DAPK1: variants seen among roughly 807,000 people sequenced by gnomAD.
DAPK1 encodes the protein death associated protein kinase 1.
In DAPK1, 56 loss-of-function variants were observed where a neutral mutation model predicts 144.9. The observed-to-expected ratio is 0.39, with a 90% confidence interval of 0.31 to 0.48. DAPK1 has a LOEUF of 0.48. Among genes scored for constraint, DAPK1 ranks in the 20% least tolerant of loss-of-function variants. The probability of loss-of-function intolerance (pLI) is 0.95; values close to 1 mark genes in which losing one functional copy is unlikely to be tolerated. For missense variants in DAPK1, 1,454 were observed against 1,875.4 expected (o/e 0.78, Z 4.15); for synonymous variants, 690 against 749.0 (o/e 0.92, Z 1.29).
rs1210805337 is a variant in DAPK1 at position 87,686,479 on chromosome 9, G to A, written c.2225-72G>A. 2.1e-5 allele frequency: 18 copies of A among 866,132 alleles called. No individual in the cohort carries two copies. Among genetic ancestry groups the A allele is most frequent in the Non-Finnish European group, 3.2e-5 (17 of 537,598 alleles). 53.7% of individuals were successfully genotyped at this position (866,132 alleles called of 1,614,324 possible). On this transcript the variant is annotated intron_variant, in intron 20 of 25. Transcript: ENST00000408954. This position sits in a 1 kb window ranked among gnomAD's most constrained non-coding sequence, Gnocchi z 4.2. ...GCGTGCTCCAGAAAAGGAAACCTCA[G>A]GGCCAGCCTGGGAGGGAGACAGGCA...
At chr9:87,509,039 G>A (rs944162856) in intron 2 of DAPK1, among the ~76,000 whole-genome samples, 6 of 152,148 alleles carry the variant, frequency 3.9e-5, no homozygotes, top group Non-Finnish European at 1.5e-5. Flanking sequence ...GTGGTTTATG[G>A]GTAAGCAGCA....
rs185651023 is a variant in DAPK1, at chr9:87,635,046, A to T, written c.285-2897A>T. On this transcript the variant is annotated intron_variant, in intron 3 of 25. Coordinates refer to ENST00000408954, the MANE Select transcript of DAPK1 (RefSeq NM_004938.4). ...ATAGAAGGGGAGTCAGAGGCTCAGCAAGGTTGGAGGCCCTGGCAGGATTTG... is the reference window on the plus strand; with the variant it reads ...ATAGAAGGGGAGTCAGAGGCTCAGCTAGGTTGGAGGCCCTGGCAGGATTTG... 3.1e-4 allele frequency among the ~76,000 whole-genome samples: 47 copies of T among 152,262 alleles called. No homozygotes were observed. In the East Asian group the frequency reaches 4.1e-3, roughly 13 times the overall value.
intron 3 of DAPK1, among the ~76,000 whole-genome samples, chr9:87,616,314 G>T (rs1307939561): frequency 6.6e-6 from 1 of 152,176 alleles, no homozygotes; most frequent in Non-Finnish European, 1.5e-5. Context: ...GCAAGACTAC[G>T]TCCTACTCTG....
In DAPK1 at chr9:87,620,548, G is replaced by A. The variant is rs558799959; in HGVS notation, c.284+15373G>A. Among the ~76,000 whole-genome samples the A allele has an allele frequency of 2.8e-5, 4 of 142,676 alleles. No individual in the cohort carries two copies. In the South Asian group the frequency reaches 1.0e-3, roughly 37 times the overall value. 93.6% of individuals were successfully genotyped at this position (142,676 alleles called of 152,430 possible). On this transcript the variant is annotated intron_variant, in intron 3 of 25. Transcript: ENST00000408954. ...AGAATTAAGCCCAGTCAAGAAGGAGGAAGAGAAGGAGTAGGGGGAGGGGGA... is the reference window on the plus strand; with the variant it reads ...AGAATTAAGCCCAGTCAAGAAGGAGAAAGAGAAGGAGTAGGGGGAGGGGGA...
chr9:87,602,814 A>G lies in DAPK1; in HGVS notation c.63-2140A>G, dbSNP rs534184857. On this transcript the variant is annotated intron_variant, in intron 2 of 25. Coordinates refer to ENST00000408954, the MANE Select transcript of DAPK1 (RefSeq NM_004938.4). ...ACACCTGGCTAATTTTTGTATTTTT[A>G]GTAGAGACGGGGTTTCACCATGTTG... is the stretch of plus-strand genomic sequence containing the variant. Among the ~76,000 whole-genome samples, 809 of 152,020 alleles carry G rather than the reference A, an allele frequency of 5.3e-3. 7 individuals carry two copies. The highest frequency in any genetic ancestry group is 9.6e-3 in the Non-Finnish European group (654 of 67,990).
intron 2 of DAPK1, among the ~76,000 whole-genome samples, chr9:87,512,705 G>A (rs907610941): frequency 6.6e-6 from 1 of 152,042 alleles, no homozygotes; most frequent in African/African-American, 2.4e-5. Context: ...GTACAGTGGT[G>A]TAATCTCGGC....
chr9:87,534,246 G>GT (rs768580976), intron 2 of DAPK1, among the ~76,000 whole-genome samples: 3,480 of 90,934 alleles, frequency 0.038, 49 homozygotes, highest in South Asian at 0.086. Context: ...CATTTTGACA[G>GT]TTTTTTTTTT....
intron 2 of DAPK1, among the ~76,000 whole-genome samples, chr9:87,560,918 G>A (rs1438982453): frequency 6.6e-6 from 1 of 152,016 alleles, no homozygotes; most frequent in Non-Finnish European, 1.5e-5. Context: ...CACCCACCTC[G>A]GCCTCACAAA....
intron 2 of DAPK1, among the ~76,000 whole-genome samples, chr9:87,523,923 C>T (rs75138648): frequency 0.017 from 2,558 of 152,298 alleles, 26 homozygotes; most frequent in Middle Eastern, 0.034. Flanking sequence ...CTGATGAAAT[C>T]CCACTCTAGG....
chr9:87,544,607 T>C (rs1167578899), intron 2 of DAPK1, among the ~76,000 whole-genome samples: 1 of 152,206 alleles, frequency 6.6e-6, no homozygotes, highest in Non-Finnish European at 1.5e-5. Flanking sequence ...CTGAAAATTA[T>C]TATTTTTGTG....
intron 2 of DAPK1, among the ~76,000 whole-genome samples, chr9:87,595,646 G>A (rs1587750181): frequency 1.3e-5 from 2 of 152,208 alleles, no homozygotes; most frequent in Admixed American, 6.5e-5. Flanking sequence ...TTGGGTCCTC[G>A]GTTATGCCAC....
intron 2 of DAPK1, among the ~76,000 whole-genome samples, chr9:87,552,328 CAAGG>C (rs1286860876): frequency 2.0e-5 from 2 of 100,970 alleles, no homozygotes; most frequent in Admixed American, 9.2e-5. Flanking sequence ...TTAAAGAGGA[CAAGG>C]GAGGGATATC....
At chr9:87,611,127 T>C (rs1480097283) in intron 3 of DAPK1, among the ~76,000 whole-genome samples, 1 of 152,222 alleles carries the variant, frequency 6.6e-6, no homozygotes, top group Non-Finnish European at 1.5e-5. Context: ...TTAGTGATTC[T>C]ATGGGAAGGG....
chr9:87,550,600 C>T (rs35463565), intron 2 of DAPK1, among the ~76,000 whole-genome samples: 34,049 of 152,260 alleles, frequency 0.22, 4,479 homozygotes, highest in Non-Finnish European at 0.31. Flanking sequence ...GTGCAACCTA[C>T]TGCAGGATGA....
rs145914806 is a variant in DAPK1, at chr9:87,605,906, C to G, written c.284+731C>G. On this transcript the variant is annotated intron_variant, in intron 3 of 25. Coordinates refer to ENST00000408954, the MANE Select transcript of DAPK1 (RefSeq NM_004938.4). ...CATGCTGGCGAGAGAGGACAGGAAG[C>G]CAGCTTGGGGCGCACATCTGCTCTG... Among the ~76,000 whole-genome samples the G allele has an allele frequency of 2.1e-3, 321 of 152,252 alleles. 2 individuals are homozygous for G. The highest frequency in any genetic ancestry group is 7.3e-3 in the African/African-American group (304 of 41,552).
intron 2 of DAPK1, among the ~76,000 whole-genome samples, chr9:87,558,102 C>T (rs527534399): frequency 1.1e-4 from 17 of 152,160 alleles, no homozygotes; most frequent in Non-Finnish European, 2.2e-4. Flanking sequence ...AGGTCCTGCC[C>T]AGTGTGGTAA....
intron 7 of DAPK1, 31 bp downstream of exon 7, chr9:87,639,846 C>A (rs1267966016): frequency 6.2e-7 from 1 of 1,609,426 alleles, no homozygotes; most frequent in Non-Finnish European, 8.5e-7. Context: ...CTCATACTCT[C>A]TTCTCTTCTA....
rs1183758211 is a variant in DAPK1, at chr9:87,707,351, T to C, written c.4280T>C (p.Val1427Ala). ...SGTSYNSISS[V>A]VSR is the part of the protein sequence containing the mutation. ...ACCTCTTACAATTCCATTAGCTCTG[T>C]TGTATCCCGGTGAGGGCAGCCTCTG... The change falls in exon 26 of 26, where the codon GTT becomes GCT. Residue 1427 changes from valine (V) to alanine (A), a missense_variant. This residue lies in a region of DAPK1 where 1,025 missense variants were observed against 1,237.9 expected (regional missense o/e 0.83). Coordinates refer to ENST00000408954, the MANE Select transcript of DAPK1 (RefSeq NM_004938.4). The surrounding 1 kb of genome is among the most constrained non-coding windows in gnomAD (Gnocchi z 4.0). The C allele has an allele frequency of 6.2e-7, 1 of 1,603,034 alleles. No homozygotes were observed. Among genetic ancestry groups the C allele is most frequent in the Non-Finnish European group, 8.5e-7 (1 of 1,172,786 alleles).
chr9:87,604,050 G>A (rs1024229305), intron 2 of DAPK1, among the ~76,000 whole-genome samples: 1 of 152,128 alleles, frequency 6.6e-6, no homozygotes, highest in Non-Finnish European at 1.5e-5. Flanking sequence ...CTGATCCAGT[G>A]ACTCCATGGT....
Sources: gnomAD v4.1 joint callset for allele counts (sites outside exome capture counted in the v4.1 genomes callset) on GRCh38, gnomAD v4.1.1 for gene constraint, gnomAD v4.1.1 regional missense constraint, Gnocchi (gnomAD v3.1) non-coding constraint, MANE v1.5 for transcripts, NCBI Gene and HGNC (gene_info 2026-07-23, HGNC 2026-07-21) for gene names.